Variants in PDCD2 observed in about 807,000 individuals in gnomAD.
PDCD2 encodes uS5 assembly chaperone PDCD2.
In PDCD2, 38 loss-of-function variants were observed where a neutral mutation model predicts 38.1. The observed-to-expected ratio is 1.00, with a 90% CI of 0.77 to 1.31. The LOEUF (loss-of-function observed/expected upper bound fraction) is 1.31, where lower values mean the gene tolerates loss of function less well. PDCD2 is among the 50% of genes most tolerant of loss of function. The pLI is 0.00. For missense variants in PDCD2, 473 were observed against 435.7 expected (o/e 1.09, Z -0.76); for synonymous variants, 205 against 168.9 (o/e 1.21, Z -1.66).
intron 3 of PDCD2, among the ~76,000 whole-genome samples, chr6:170,580,714 C>CA (rs201965096): frequency 0.068 from 9,929 of 146,658 alleles, 420 homozygotes; most frequent in African/African-American, 0.11. Flanking sequence ...GACTCCGTCT[C>CA]AAAAAAAAAA....
At chr6:170,583,781 A>C (rs777021151) in intron 1 of PDCD2, 34 bp from the exon 2 acceptor site, 1 of 1,519,308 alleles carries the variant, frequency 6.6e-7, no homozygotes, top group Non-Finnish European at 9.0e-7. Context: ...TTTTATCTTC[A>C]AACAAAACAG....
At chr6:170,582,720 C>T (rs1311524006) in intron 3 of PDCD2, 16 of 1,231,472 alleles carry the variant, frequency 1.3e-5, no homozygotes, top group African/African-American at 1.6e-5. Context: ...GGCCCTTCTG[C>T]GTGCCCGACA....
chr6:170,584,070 T>G (rs919637349), intron 1 of PDCD2: 73 of 496,584 alleles, frequency 1.5e-4, no homozygotes, highest in African/African-American at 1.4e-3. Context: ...ACCCACTGAT[T>G]AAAAGCTGGG....
intron 3 of PDCD2, chr6:170,582,422 G>T: frequency 2.3e-5 from 33 of 1,454,324 alleles, no homozygotes; most frequent in Non-Finnish European, 2.8e-5. Flanking sequence ...GGCTCAAATT[G>T]TAAAATTTAA....
At chr6:170,583,826 G>C (rs1417529672) in intron 1 of PDCD2, 79 bp from the exon 2 acceptor site, 4 of 1,056,982 alleles carry the variant, frequency 3.8e-6, no homozygotes, top group Non-Finnish European at 4.0e-6. Context: ...ACGTAAAACT[G>C]AAAATAACAA....
At chr6:170,577,776 T>C (rs1779484428) in intron 5 of PDCD2, 59 bp from the exon 6 acceptor site, 1 of 1,534,820 alleles carries the variant, frequency 6.5e-7, no homozygotes, top group East Asian at 2.3e-5. Flanking sequence ...CACGAGACCT[T>C]CTCAGCCAGG....
chr6:170,584,491 C>T lies in PDCD2; in HGVS notation c.91G>A (p.Val31Met). 1 of 1,331,902 alleles carries T rather than the reference C, an allele frequency of 7.5e-7. No individual in the cohort carries two copies. The allele number at this position is 1,331,902 out of a possible 1,614,324, so 82.5% of individuals were successfully genotyped here. Residue 31 changes from valine to methionine, a missense_variant, in exon 1 of 6, where the codon GTG becomes ATG. Physicochemically the swap from Val to Met is conservative, Grantham distance 21. Coordinates refer to ENST00000541970, the MANE Select transcript of PDCD2 (RefSeq NM_002598.4). ...RLRSEQFPSK[V>M]GGRPAWLGAA... Reference sequence around the variant, plus strand: ...CCCAGCCATGCCGGCCGCCCGCCCACCTTGCTGGGGAACTGCTCGCTGCGC... The same window carrying T: ...CCCAGCCATGCCGGCCGCCCGCCCATCTTGCTGGGGAACTGCTCGCTGCGC...
chr6:170,578,021 T>G (rs1779491867), intron 5 of PDCD2, among the ~76,000 whole-genome samples: 1 of 152,204 alleles, frequency 6.6e-6, no homozygotes, highest in South Asian at 2.1e-4. Context: ...AACTTTTACT[T>G]TGTATCATTG....
chr6:170,583,962 G>C (rs770307555), intron 1 of PDCD2: 25 of 566,042 alleles, frequency 4.4e-5, no homozygotes, highest in East Asian at 3.0e-4. Context: ...AAATTAATAA[G>C]ACTGATCGTT....
rs370825740 is a variant in PDCD2 at position 170,583,356 on chromosome 6, C to CTT, written c.526+147_526+148dup. Reference sequence around the variant, plus strand: ...TATTCAGTGATTCAGACTTCACAGCCTTTTTTTTTTTTTTACAAAGGTGTT... The same window carrying CTT: ...TATTCAGTGATTCAGACTTCACAGCCTTTTTTTTTTTTTTTTACAAAGGTGTT... On this transcript the variant is annotated intron_variant, in intron 2 of 5. Transcript: ENST00000541970. 1.8e-3 allele frequency: 1,424 copies of CTT among 791,122 alleles called. 5 individuals are homozygous for CTT. The highest frequency in any genetic ancestry group is 0.013 in the African/African-American group (703 of 54,250). The allele number at this position is 791,122 out of a possible 1,614,324, so 49.0% of individuals were successfully genotyped here.
intron 5 of PDCD2, 38 bp downstream of exon 5, chr6:170,578,819 G>A (rs1779517450): frequency 3.2e-6 from 4 of 1,231,180 alleles, no homozygotes; most frequent in Non-Finnish European, 4.8e-6. Context: ...AACAATCATG[G>A]TGATTACACA....
At chr6:170,582,556 T>A (rs1266674416) in intron 3 of PDCD2, 32 of 1,331,158 alleles carry the variant, frequency 2.4e-5, no homozygotes, top group Non-Finnish European at 3.0e-5. Context: ...CAGCCCTTTA[T>A]ATAAGGTAAG....
At chr6:170,582,495 G>A in intron 3 of PDCD2, 2 of 1,369,906 alleles carry the variant, frequency 1.5e-6, no homozygotes, top group Admixed American at 2.9e-5. Flanking sequence ...AAATGGGGCA[G>A]TTTCTCACTC....
intron 3 of PDCD2, chr6:170,582,465 C>G (rs889934123): frequency 1.3e-5 from 18 of 1,400,122 alleles, no homozygotes; most frequent in Non-Finnish European, 1.5e-5. Context: ...ATACCCAGAA[C>G]CTCAATTTCC....
chr6:170,577,502 A>G lies in PDCD2; in HGVS notation c.*57T>C. On this transcript the variant is annotated 3_prime_UTR_variant, in exon 6 of 6. Transcript: ENST00000541970. Reference sequence around the variant, plus strand: ...GTATTTCCTTAGGATAAAATCCCAGAAATGGAATTGCAAGGTATAAAAGAT... The same window carrying G: ...GTATTTCCTTAGGATAAAATCCCAGGAATGGAATTGCAAGGTATAAAAGAT... The G allele has an allele frequency of 7.0e-7, 1 of 1,437,584 alleles. No individual in the cohort carries two copies. The highest frequency in any genetic ancestry group is 9.7e-7 in the Non-Finnish European group (1 of 1,034,290). 89.1% of individuals were successfully genotyped at this position (1,437,584 alleles called of 1,614,324 possible). A position where few individuals can be genotyped will look rare whatever the true frequency, so the allele number is the denominator to read the frequency against.
chr6:170,578,560 G>A (rs1779508238), intron 5 of PDCD2: 4 of 693,672 alleles, frequency 5.8e-6, no homozygotes, highest in Non-Finnish European at 7.8e-6. Flanking sequence ...AAAGTTAACA[G>A]AGGCACTAAT....
intron 3 of PDCD2, chr6:170,582,834 C>G: frequency 7.4e-7 from 1 of 1,347,668 alleles, no homozygotes; most frequent in Admixed American, 3.6e-5. Context: ...ATGGGACCAT[C>G]TGGATACCCA....
chr6:170,582,772 C>G, intron 3 of PDCD2: 1 of 1,279,650 alleles, frequency 7.8e-7, no homozygotes, highest in Non-Finnish European at 9.8e-7. Flanking sequence ...AGAAACCGAT[C>G]TGCGACCCAG....
chr6:170,581,993 T>C, intron 3 of PDCD2: 3 of 854,290 alleles, frequency 3.5e-6, no homozygotes, highest in Non-Finnish European at 3.4e-6. Flanking sequence ...ACAAGGCATA[T>C]TTGAAGTCCA....
Sources: gnomAD v4.1 joint callset for allele counts (sites outside exome capture counted in the v4.1 genomes callset) on GRCh38, gnomAD v4.1.1 for gene constraint, MANE v1.5 for transcripts, NCBI Gene and HGNC (gene_info 2026-07-23, HGNC 2026-07-21) for gene names.